The following DPP6 variants were observed in gnomAD, a reference collection of about 807,000 sequenced individuals.
The protein encoded by DPP6 is dipeptidyl peptidase like 6.
A neutral mutation model predicts 122.6 loss-of-function variants in DPP6; 69 were observed. The observed-to-expected ratio is 0.56, with a 90% CI of 0.46 to 0.69. The LOEUF (loss-of-function observed/expected upper bound fraction) is 0.69, where lower values mean the gene tolerates loss of function less well. Among genes scored for constraint, DPP6 ranks in the 30% least tolerant of loss-of-function variants. The pLI, the probability that DPP6 is intolerant of heterozygous loss-of-function variation, is 0.00. For missense variants in DPP6, 928 were observed against 1,116.9 expected (o/e 0.83, Z 2.41); for synonymous variants, 418 against 433.1 (o/e 0.97, Z 0.43).
At chr7:154,209,344 A>G (rs1799616446) in intron 1 of DPP6, among the ~76,000 whole-genome samples, 1 of 152,188 alleles carries the variant, frequency 6.6e-6, no homozygotes, top group Admixed American at 6.5e-5. Flanking sequence ...TCCATGTTGA[A>G]GCAGGTTTTA....
At chr7:153,940,210 G>C (rs1801634330) in intron 1 of DPP6, among the ~76,000 whole-genome samples, 1 of 152,176 alleles carries the variant, frequency 6.6e-6, no homozygotes, top group Non-Finnish European at 1.5e-5. Flanking sequence ...CCACCGAAAA[G>C]CTGGTGCTGA....
intron 17 of DPP6, among the ~76,000 whole-genome samples, chr7:154,866,121 CA>C (rs1363456552): frequency 2.0e-5 from 3 of 152,154 alleles, no homozygotes; most frequent in Non-Finnish European, 4.4e-5. Context: ...AAGGAGCTAG[CA>C]AGGAAGATTT....
intron 1 of DPP6, among the ~76,000 whole-genome samples, chr7:154,314,512 C>T (rs1299752706): frequency 2.0e-5 from 3 of 152,190 alleles, no homozygotes; most frequent in Non-Finnish European, 4.4e-5. Flanking sequence ...AACGTAAACC[C>T]CTTTTCCAAA....
At chr7:154,296,084 A>G (rs1585856612) in intron 1 of DPP6, among the ~76,000 whole-genome samples, 1 of 151,504 alleles carries the variant, frequency 6.6e-6, no homozygotes, top group Non-Finnish European at 1.5e-5. Flanking sequence ...AGCTGAGACT[A>G]CAGGCACCTG....
intron 1 of DPP6, among the ~76,000 whole-genome samples, chr7:153,968,096 C>T (rs930134631): frequency 2.0e-5 from 3 of 149,940 alleles, no homozygotes; most frequent in African/African-American, 5.1e-5. Flanking sequence ...ATTGCTGGGT[C>T]GAATGGTATT....
chr7:154,746,914 A>G (rs1179268077), intron 8 of DPP6, among the ~76,000 whole-genome samples: 1 of 152,240 alleles, frequency 6.6e-6, no homozygotes, highest in Non-Finnish European at 1.5e-5. Flanking sequence ...CTCTAACTCA[A>G]GTATAAGCAC....
chr7:153,941,207 T>G (rs558192104), intron 1 of DPP6, among the ~76,000 whole-genome samples: 151 of 152,184 alleles, frequency 9.9e-4, no homozygotes, highest in Admixed American at 1.8e-3. Flanking sequence ...AATGAGCCCT[T>G]GATGTGTTGG....
At chr7:153,894,873 A>G (rs1182829782) in intron 1 of DPP6, among the ~76,000 whole-genome samples, 1 of 152,250 alleles carries the variant, frequency 6.6e-6, no homozygotes. Context: ...TATAACATTT[A>G]TAAGGGAGCT....
chr7:154,687,741 G>A (rs34385016), intron 7 of DPP6, among the ~76,000 whole-genome samples: 7,763 of 152,174 alleles, frequency 0.051, 288 homozygotes, highest in African/African-American at 0.1. Flanking sequence ...AAGTCTTCTT[G>A]AAGAAATTGT....
chr7:154,276,496 C>T (rs1804136640), intron 1 of DPP6, among the ~76,000 whole-genome samples: 1 of 152,158 alleles, frequency 6.6e-6, no homozygotes, highest in African/African-American at 2.4e-5. Flanking sequence ...ATTCTGACCT[C>T]ACAATAGAAT....
chr7:154,653,423 G>A (rs548069528), intron 6 of DPP6, among the ~76,000 whole-genome samples: 2 of 152,058 alleles, frequency 1.3e-5, no homozygotes, highest in South Asian at 4.2e-4. Context: ...GATAGATGAT[G>A]GATAGATGAT....
the DPP6 span, among the ~76,000 whole-genome samples, chr7:153,856,688 C>T: frequency 2.0e-5 from 3 of 152,180 alleles, no homozygotes; most frequent in African/African-American, 7.2e-5. Context: ...CCCCATATCC[C>T]ATTCTCAAGG....
At chr7:154,160,484 GTGGTCTACATTGTA>G (rs1438633295) in intron 1 of DPP6, among the ~76,000 whole-genome samples, 1 of 152,216 alleles carries the variant, frequency 6.6e-6, no homozygotes, top group Non-Finnish European at 1.5e-5. Context: ...AAGTGCTTGT[GTGGTCTACATTGTA>G]TACAACTATC....
At chr7:154,804,529 T>A (rs547703406) in intron 14 of DPP6, among the ~76,000 whole-genome samples, 32 of 152,294 alleles carry the variant, frequency 2.1e-4, no homozygotes, top group Admixed American at 1.6e-3. Context: ...AGTCAACAAC[T>A]ATTTATTGGG....
At chr7:154,549,188 C>T (rs969187592) in intron 4 of DPP6, among the ~76,000 whole-genome samples, 6 of 152,170 alleles carry the variant, frequency 3.9e-5, no homozygotes, top group African/African-American at 9.7e-5. Context: ...AGGTGAGAAT[C>T]GATCTGGGAA....
chr7:154,258,492 G>A (rs12669261), intron 1 of DPP6, among the ~76,000 whole-genome samples: 7,477 of 152,262 alleles, frequency 0.049, 251 homozygotes, highest in East Asian at 0.13. Context: ...TGTTATAGGA[G>A]TGTGTGCATT....
intron 1 of DPP6, among the ~76,000 whole-genome samples, chr7:154,284,690 A>G (rs1282188850): frequency 1.3e-5 from 2 of 152,188 alleles, no homozygotes; most frequent in Admixed American, 6.5e-5. Flanking sequence ...CCCTGTCTCT[A>G]CTAAAAATAC....
chr7:154,137,882 G>A (rs1337517463), intron 1 of DPP6, among the ~76,000 whole-genome samples: 3 of 152,190 alleles, frequency 2.0e-5, no homozygotes, highest in Non-Finnish European at 4.4e-5. Context: ...CAAAATCAGT[G>A]TGGCTTCTTC....
intron 16 of DPP6, among the ~76,000 whole-genome samples, chr7:154,818,888 A>G (rs187796217): frequency 3.1e-4 from 47 of 152,294 alleles, no homozygotes; most frequent in African/African-American, 1.1e-3. Context: ...TGACATGAAT[A>G]CTCTGGAACA....
Sources: gnomAD v4.1 joint callset for allele counts (sites outside exome capture counted in the v4.1 genomes callset) on GRCh38, gnomAD v4.1.1 for gene constraint, MANE v1.5 for transcripts, NCBI Gene and HGNC (gene_info 2026-07-23, HGNC 2026-07-21) for gene names.